The following CSMD1 variants were observed in gnomAD, a reference collection of about 807,000 sequenced individuals.
CSMD1 encodes the protein CUB and Sushi multiple domains 1, also known as CUB and sushi domain-containing protein 1.
Under a neutral mutation model 417.5 loss-of-function variants are expected in CSMD1, and 213 were observed. The observed-to-expected ratio is 0.51, with a 90% confidence interval of 0.46 to 0.57. The LOEUF is 0.57. CSMD1 is among the 20% of genes least tolerant of loss of function. The pLI is 0.00. For synonymous variants in CSMD1, 2,862 were observed against 1,736.8 expected (o/e 1.65, Z -16.11); for missense variants, 6,923 against 4,529.7 (o/e 1.53, Z -15.17).
intron 2 of CSMD1, among the ~76,000 whole-genome samples, chr8:4,540,772 C>T (rs950901428): frequency 2.6e-5 from 4 of 152,024 alleles, no homozygotes; most frequent in South Asian, 2.1e-4. Flanking sequence ...TTAATCATCC[C>T]GGACCAGTGA....
At chr8:3,660,233 A>G (rs910637648) in intron 7 of CSMD1, among the ~76,000 whole-genome samples, 7 of 152,084 alleles carry the variant, frequency 4.6e-5, no homozygotes, top group South Asian at 2.1e-4. Flanking sequence ...AGCCTCTGCT[A>G]TTTACTGTCT....
At chr8:4,787,670 A>G (rs1797478458) in intron 1 of CSMD1, 2 of 1,588,684 alleles carry the variant, frequency 1.3e-6, no homozygotes, top group East Asian at 4.5e-5. Flanking sequence ...GGAAGGATAT[A>G]AGTTTACCCA....
chr8:3,421,892 C>T (rs1354051655), intron 12 of CSMD1, among the ~76,000 whole-genome samples: 1 of 146,254 alleles, frequency 6.8e-6, no homozygotes, highest in Non-Finnish European at 1.5e-5. Flanking sequence ...CCCACCTTGG[C>T]CGCCCAAAGT....
chr8:4,416,232 T>G (rs1454560870), intron 3 of CSMD1, among the ~76,000 whole-genome samples: 1 of 152,172 alleles, frequency 6.6e-6, no homozygotes, highest in Admixed American at 6.6e-5. Context: ...AAAGAAAGGT[T>G]GGATTATGTA....
chr8:4,975,726 G>A (rs1261522822), intron 1 of CSMD1, among the ~76,000 whole-genome samples: 1 of 152,186 alleles, frequency 6.6e-6, no homozygotes, highest in African/African-American at 2.4e-5. Flanking sequence ...TTCATCTGAT[G>A]TGCTGAGACA....
chr8:4,918,254 C>T (rs190468356), intron 1 of CSMD1, among the ~76,000 whole-genome samples: 2 of 152,152 alleles, frequency 1.3e-5, no homozygotes, highest in African/African-American at 2.4e-5. Context: ...CCTCCATGTG[C>T]GAAGCATGTG....
rs1190606096 is a variant in CSMD1 at position 3,157,929 on chromosome 8, C to T, written c.5882G>A (p.Arg1961His). 7.7e-6 allele frequency: 12 copies of T among 1,554,870 alleles called. No homozygotes were observed. Among genetic ancestry groups the T allele is most frequent in the Admixed American group, 1.9e-5 (1 of 51,446 alleles). The change falls in exon 39 of 70, where the codon CGC (arginine) becomes CAC (histidine). Residue 1961 changes from arginine (R) to histidine (H), a missense_variant. Physicochemically the swap from Arg to His is conservative, Grantham distance 29. Transcript: ENST00000635120. ...SHISCMPGTV[R>H]RWNYPSPLCI... is the part of the protein sequence containing the mutation. ...CAGGGGAGACGGATAGTTCCAACGGCGAACGGTCCCTGGCATACAGGAAAT... is the reference window on the plus strand; with the variant it reads ...CAGGGGAGACGGATAGTTCCAACGGTGAACGGTCCCTGGCATACAGGAAAT...
At chr8:4,190,317 C>T (rs1798945612) in intron 3 of CSMD1, among the ~76,000 whole-genome samples, 1 of 150,822 alleles carries the variant, frequency 6.6e-6, no homozygotes, top group Non-Finnish European at 1.5e-5. Context: ...TACATCTAAG[C>T]CCTATCACTG....
At chr8:4,209,510 C>T (rs1211469993) in intron 3 of CSMD1, among the ~76,000 whole-genome samples, 1 of 152,216 alleles carries the variant, frequency 6.6e-6, no homozygotes, top group Non-Finnish European at 1.5e-5. Flanking sequence ...CATGGCCCCT[C>T]CTCTCTGGGA....
chr8:3,501,568 G>C (rs1035813579), intron 10 of CSMD1, among the ~76,000 whole-genome samples: 2 of 152,050 alleles, frequency 1.3e-5, no homozygotes, highest in African/African-American at 4.8e-5. Flanking sequence ...GAAATTAATG[G>C]GTTAGAAATG....
intron 5 of CSMD1, among the ~76,000 whole-genome samples, chr8:3,979,992 C>CA (rs1475253956): frequency 6.6e-6 from 1 of 152,232 alleles, no homozygotes; most frequent in Non-Finnish European, 1.5e-5. Context: ...CTGGGTTGAA[C>CA]AACTCACAGA....
In CSMD1 at chr8:3,961,553, G is replaced by C. The variant is rs553867283; in HGVS notation, c.818+36350C>G. Among the ~76,000 whole-genome samples the C allele has an allele frequency of 5.3e-5, 8 of 152,278 alleles. No homozygotes were observed. In the South Asian group the frequency reaches 1.7e-3, roughly 32 times the overall value. ...GACAATAGGAAATCTATCCTAGGCA[G>C]AAATTTCCACTAAAGGTATCTATAA... On this transcript the variant is annotated intron_variant, in intron 5 of 69. Transcript: ENST00000635120.
At chr8:4,096,277 T>G (rs1226736675) in intron 3 of CSMD1, among the ~76,000 whole-genome samples, 1 of 152,010 alleles carries the variant, frequency 6.6e-6, no homozygotes, top group East Asian at 1.9e-4. Context: ...AAGCAGGCCC[T>G]TGGGATGCCA....
chr8:3,472,327 T>C (rs771036961), intron 11 of CSMD1, among the ~76,000 whole-genome samples: 5 of 152,130 alleles, frequency 3.3e-5, no homozygotes, highest in Admixed American at 6.6e-5. Flanking sequence ...TTAACTATTG[T>C]AAGTGTGTAC....
rs1803676926 is a variant in CSMD1, at chr8:4,648,447, T to C, written c.86-10889A>G. On this transcript the variant is annotated intron_variant, in intron 1 of 69. Coordinates refer to ENST00000635120, the MANE Select transcript of CSMD1 (RefSeq NM_033225.6). Reference sequence around the variant, plus strand: ...GGGCTCAGTCCACACCACAAGGGCATGAAATAGATCTTCCTCACACACACA... The same window carrying C: ...GGGCTCAGTCCACACCACAAGGGCACGAAATAGATCTTCCTCACACACACA... Among the ~76,000 whole-genome samples the C allele has an allele frequency of 2.6e-5, 4 of 152,236 alleles. No individual in the cohort carries two copies. The South Asian group carries it at 6.2e-4, about 24-fold the overall frequency.
intron 2 of CSMD1, among the ~76,000 whole-genome samples, chr8:4,616,796 G>T (rs928203067): frequency 6.6e-6 from 1 of 152,154 alleles, no homozygotes; most frequent in Non-Finnish European, 1.5e-5. Flanking sequence ...GTAGAATCCA[G>T]AGGAAAAAAC....
intron 2 of CSMD1, among the ~76,000 whole-genome samples, chr8:4,615,129 G>T (rs994950517): frequency 4.6e-5 from 7 of 152,008 alleles, no homozygotes; most frequent in Admixed American, 1.3e-4. Context: ...AAATAAGTGG[G>T]GCACAAGAAG....
intron 3 of CSMD1, among the ~76,000 whole-genome samples, chr8:4,148,403 G>C (rs1044690748): frequency 6.6e-6 from 1 of 151,478 alleles, no homozygotes; most frequent in African/African-American, 2.4e-5. Flanking sequence ...AGCATTAGGA[G>C]ATATACCTAA....
chr8:4,066,511 T>G (rs574989279), intron 3 of CSMD1, among the ~76,000 whole-genome samples: 1 of 152,194 alleles, frequency 6.6e-6, no homozygotes, highest in African/African-American at 2.4e-5. Flanking sequence ...AGAAAACAAT[T>G]TGTATTATTT....
Sources: allele counts gnomAD v4.1 joint callset (sites outside exome capture counted in the v4.1 genomes callset), GRCh38; gene constraint gnomAD v4.1.1; transcripts MANE v1.5; gene names NCBI Gene and HGNC (gene_info 2026-07-23, HGNC 2026-07-21).